The following ADAM12 variants were observed in gnomAD, a reference collection of about 807,000 sequenced individuals.
ADAM12 encodes the protein ADAM metallopeptidase domain 12.
ADAM12 carries 70 observed loss-of-function variants against 106.4 expected under a neutral mutation model. The observed-to-expected ratio is 0.66, with a 90% CI of 0.54 to 0.80. ADAM12 has a LOEUF of 0.80. Among genes scored for constraint, ADAM12 ranks in the 30% least tolerant of loss-of-function variants. The pLI is 0.00. For missense variants in ADAM12, 1,010 were observed against 1,171.9 expected (o/e 0.86, Z 2.02); for synonymous variants, 420 against 433.5 (o/e 0.97, Z 0.39).
chr10:126,224,470 A>G (rs10901561), intron 3 of ADAM12, among the ~76,000 whole-genome samples: 46,189 of 151,682 alleles, frequency 0.3, 7,565 homozygotes, highest in African/African-American at 0.42. Flanking sequence ...GGAGAGGGAG[A>G]AACAAGCACA....
rs1288930904 is a variant in ADAM12 at position 126,046,036 on chromosome 10, G to T, written c.1995+19C>A. On this transcript the variant is annotated intron_variant, in intron 17 of 22. Coordinates refer to ENST00000448723, the MANE Select transcript of ADAM12 (RefSeq NM_001288973.2). ...ACTTGTTATGGGCTGGCTGTAAAAG[G>T]GCAGCTCAGCCTACTCACCCCTCTG... The T allele has an allele frequency of 5.6e-6, 9 of 1,608,236 alleles. No individual in the cohort carries two copies. Among genetic ancestry groups the T allele is most frequent in the Non-Finnish European group, 7.7e-6 (9 of 1,174,862 alleles).
chr10:126,387,897 G>C (rs979613746), intron 1 of ADAM12, among the ~76,000 whole-genome samples, 161 bp downstream of exon 1: 7 of 150,424 alleles, frequency 4.7e-5, no homozygotes, highest in East Asian at 2.0e-4. Flanking sequence ...CCTGGGGGGG[G>C]GGGGTCGGTC....
intron 3 of ADAM12, among the ~76,000 whole-genome samples, chr10:126,171,389 C>A (rs1957117593): frequency 1.3e-5 from 2 of 152,196 alleles, no homozygotes; most frequent in African/African-American, 4.8e-5. Flanking sequence ...AAAACCGTGG[C>A]AGGGGTGGTT....
chr10:126,342,522 C>T (rs963873586), intron 1 of ADAM12, among the ~76,000 whole-genome samples: 8 of 152,182 alleles, frequency 5.3e-5, no homozygotes, highest in Admixed American at 2.0e-4. Context: ...AAACTAAACA[C>T]TGTGCTTAAC....
intron 16 of ADAM12, among the ~76,000 whole-genome samples, chr10:126,047,632 A>C (rs1051116142): frequency 4.6e-5 from 7 of 152,098 alleles, no homozygotes; most frequent in Non-Finnish European, 1.0e-4. Context: ...GTTATTAAAA[A>C]GTCAAAAAAC....
chr10:126,365,958 T>C lies in ADAM12; in HGVS notation c.88+22100A>G, dbSNP rs959664677. Among the ~76,000 whole-genome samples the C allele has an allele frequency of 3.3e-4, 51 of 152,296 alleles. 1 individual carries two copies. Among genetic ancestry groups the C allele is most frequent in the African/African-American group, 1.2e-3 (50 of 41,570 alleles). On this transcript the variant is annotated intron_variant, in intron 1 of 22. Coordinates refer to ENST00000448723, the MANE Select transcript of ADAM12 (RefSeq NM_001288973.2). The stretch of plus-strand genomic sequence containing the variant: ...TTTCTTTTAGATTCTAAAGTTTATT[T>C]ATATGGAAAGTAATCAAGAAGGTAC...
intron 22 of ADAM12, 37 bp from the exon 23 acceptor site, chr10:126,017,376 C>T (rs1390888444): frequency 6.5e-7 from 1 of 1,532,990 alleles, no homozygotes; most frequent in Admixed American, 2.0e-5. Context: ...TGATCAGAGA[C>T]CTTGAGAAGT....
At chr10:126,225,397 C>A (rs1006160698) in intron 3 of ADAM12, among the ~76,000 whole-genome samples, 6 of 151,958 alleles carry the variant, frequency 3.9e-5, no homozygotes, top group Admixed American at 1.3e-4. Flanking sequence ...CCCATTTTGC[C>A]GGTGAGGAAA....
chr10:126,338,462 C>T (rs566053375), intron 1 of ADAM12, among the ~76,000 whole-genome samples: 5 of 151,764 alleles, frequency 3.3e-5, no homozygotes, highest in East Asian at 1.9e-4. Context: ...CCGTTTTAGC[C>T]GGGATGGTCT....
At position 126,133,611 on chromosome 10, in the gene ADAM12, A is replaced by C. The variant is rs547016735; in HGVS notation, c.416+1973T>G. Among the ~76,000 whole-genome samples the C allele has an allele frequency of 2.6e-5, 4 of 152,230 alleles. No homozygotes were observed. The East Asian group carries it at 7.7e-4, about 29-fold the overall frequency. ...AGTGCCCCTGTAAAAATGTGAAGTC[A>C]GACCACATCACTTCAGCTCCAAGCT... On this transcript the variant is annotated intron_variant, in intron 5 of 22. Transcript: ENST00000448723.
At chr10:126,069,863 T>G (rs1476055378) in intron 12 of ADAM12, among the ~76,000 whole-genome samples, 1 of 152,110 alleles carries the variant, frequency 6.6e-6, no homozygotes, top group Non-Finnish European at 1.5e-5. Context: ...GTGGCGATTG[T>G]GGAGATGGTG....
At chr10:126,380,989 T>C (rs1040294609) in intron 1 of ADAM12, among the ~76,000 whole-genome samples, 4 of 151,446 alleles carry the variant, frequency 2.6e-5, no homozygotes, top group Non-Finnish European at 4.4e-5. Flanking sequence ...CATTACAGCA[T>C]CATCTACACC....
intron 3 of ADAM12, among the ~76,000 whole-genome samples, chr10:126,234,009 G>A (rs1031757337): frequency 1.3e-5 from 2 of 152,220 alleles, no homozygotes; most frequent in African/African-American, 2.4e-5. Flanking sequence ...CTATTTTACA[G>A]TAAAGATAGC....
rs200354475 is a variant in ADAM12, at chr10:126,174,008, A to ATTTTTTTTTTTTTTTT, written c.261-18719_261-18704dup. ...TTTTATCCAGATTCATCTGTTGTTGATTTTTTTTTTTTTTTTTTTTTTTTT... is the reference window on the plus strand; with the variant it reads ...TTTTATCCAGATTCATCTGTTGTTGATTTTTTTTTTTTTTTTTTTTTTTTTTTTTTTTTTTTTTTTT... On this transcript the variant is annotated intron_variant, in intron 3 of 22. Transcript: ENST00000448723. Among the ~76,000 whole-genome samples, 10 of 90,470 alleles carry ATTTTTTTTTTTTTTTT rather than the reference A, an allele frequency of 1.1e-4. 1 individual carries two copies. Among genetic ancestry groups the ATTTTTTTTTTTTTTTT allele is most frequent in the African/African-American group, 4.8e-4 (9 of 18,686 alleles). 59.4% of individuals were successfully genotyped at this position (90,470 alleles called of 152,430 possible). A position where few individuals can be genotyped will look rare whatever the true frequency, so the allele number is the denominator to read the frequency against.
At chr10:126,134,322 G>A (rs1205435258) in intron 5 of ADAM12, among the ~76,000 whole-genome samples, 1 of 152,186 alleles carries the variant, frequency 6.6e-6, no homozygotes, top group African/African-American at 2.4e-5. Context: ...AGACAGGGTT[G>A]GGTGACAAAA....
At chr10:126,190,278 T>A (rs1316287574) in intron 3 of ADAM12, among the ~76,000 whole-genome samples, 1 of 151,806 alleles carries the variant, frequency 6.6e-6, no homozygotes, top group Non-Finnish European at 1.5e-5. Flanking sequence ...CTCAGCTCAC[T>A]GCAACCTCCA....
chr10:126,123,898 G>A (rs2133641209), intron 5 of ADAM12, among the ~76,000 whole-genome samples: 1 of 152,292 alleles, frequency 6.6e-6, no homozygotes, highest in East Asian at 1.9e-4. Context: ...GTAAAATCCT[G>A]TTGTTTTTCC....
intron 2 of ADAM12, among the ~76,000 whole-genome samples, chr10:126,310,292 A>G (rs913132734): frequency 3.9e-5 from 6 of 152,174 alleles, no homozygotes; most frequent in Non-Finnish European, 8.8e-5. Context: ...CTGGTGGAGA[A>G]CAGGAGTGGG....
Position 126,082,371 on chromosome 10 carries a change from T to TTTTTG in ADAM12, c.1146-10718_1146-10717insCAAAA, listed in dbSNP as rs1554966465. On this transcript the variant is annotated intron_variant, in intron 11 of 22. Coordinates refer to ENST00000448723, the MANE Select transcript of ADAM12 (RefSeq NM_001288973.2). ...AAGACAATCTAATGACTGTTTTTTT[T>TTTTTG]TTTTTTTTTTTTTTTTATGTGGAGT... Among the ~76,000 whole-genome samples the TTTTTG allele has an allele frequency of 2.3e-3, 334 of 143,548 alleles. 7 individuals are homozygous for TTTTTG. The highest frequency in any genetic ancestry group is 8.5e-3 in the African/African-American group (321 of 37,804). The allele number at this position is 143,548 out of a possible 152,430, so 94.2% of individuals were successfully genotyped here.
Sources: allele counts gnomAD v4.1 joint callset (sites outside exome capture counted in the v4.1 genomes callset), GRCh38; gene constraint gnomAD v4.1.1; transcripts MANE v1.5; gene names NCBI Gene and HGNC (gene_info 2026-07-23, HGNC 2026-07-21).